The following DNAJC15 variants were observed in gnomAD, a reference collection of about 807,000 sequenced individuals.
The protein encoded by DNAJC15 is dnaJ homolog subfamily C member 15.
Under a neutral mutation model 22.4 loss-of-function variants are expected in DNAJC15, and 27 were observed. The ratio of observed to expected loss-of-function variants is 1.20; its 90% CI spans 0.89 to 1.66. The LOEUF (loss-of-function observed/expected upper bound fraction) is 1.66. Among genes scored for constraint, DNAJC15 ranks in the 40% most tolerant of loss-of-function variants. The pLI is 0.00. For missense variants in DNAJC15, 208 were observed against 187.1 expected (o/e 1.11, Z -0.65); for synonymous variants, 79 against 63.2 (o/e 1.25, Z -1.19).
At chr13:43,033,277 TGTG>T (rs2040412368) in intron 1 of DNAJC15, among the ~76,000 whole-genome samples, 1 of 152,232 alleles carries the variant, frequency 6.6e-6, no homozygotes, top group Admixed American at 6.5e-5. Context: ...ATTAGTCACT[TGTG>T]GTGGCACATG....
At position 43,113,972 on chromosome 13, in the gene DNAJC15, T is replaced by C. The variant is rs1450605454; in HGVS notation, c.*6724T>C. 1 of 152,196 alleles carries C rather than the reference T, an allele frequency of 6.6e-6. No homozygotes were observed. The highest frequency in any genetic ancestry group is 1.5e-5 in the Non-Finnish European group (1 of 68,036). 9.4% of individuals were successfully genotyped at this position (152,196 alleles called of 1,614,324 possible). ...TGGGACTTAGGTAATCAGTTTGCCTTCTACTCTATCTCATTTTGTACTCGC... is the reference window on the plus strand; with the variant it reads ...TGGGACTTAGGTAATCAGTTTGCCTCCTACTCTATCTCATTTTGTACTCGC... On this transcript the variant is annotated 3_prime_UTR_variant, in exon 6 of 6. Coordinates refer to ENST00000379221, the MANE Select transcript of DNAJC15 (RefSeq NM_013238.3).
intron 1 of DNAJC15, among the ~76,000 whole-genome samples, chr13:43,039,327 C>T (rs1465580191): frequency 1.1e-4 from 17 of 152,008 alleles, no homozygotes; most frequent in African/African-American, 3.4e-4. Context: ...ACAAAACATT[C>T]GTGGAAACTA....
chr13:43,026,261 A>C (rs1274010364), intron 1 of DNAJC15, among the ~76,000 whole-genome samples: 3 of 152,222 alleles, frequency 2.0e-5, no homozygotes, highest in African/African-American at 2.4e-5. Flanking sequence ...TTTATATATA[A>C]TGAAGTTCTG....
In DNAJC15 at chr13:43,113,632, G is replaced by A. The variant is rs2040834459; in HGVS notation, c.*6384G>A. The A allele has an allele frequency of 6.6e-6, 1 of 152,226 alleles. No homozygotes were observed. Among genetic ancestry groups the A allele is most frequent in the African/African-American group, 2.4e-5 (1 of 41,442 alleles). 9.4% of individuals were successfully genotyped at this position (152,226 alleles called of 1,614,324 possible). A position where few individuals can be genotyped will look rare whatever the true frequency, so the allele number is the denominator to read the frequency against. On this transcript the variant is annotated 3_prime_UTR_variant, in exon 6 of 6. Transcript: ENST00000379221. ...AACATGGATACACCTATATGCAAGA[G>A]TGTATTCCAAAGCTAACTCAGTGAT...
intron 3 of DNAJC15, among the ~76,000 whole-genome samples, chr13:43,074,718 C>T (rs975803089): frequency 2.0e-5 from 3 of 152,116 alleles, no homozygotes; most frequent in African/African-American, 4.8e-5. Context: ...ACTGTGATAA[C>T]AGTTTTGTTC....
At chr13:43,082,089 A>G (rs765446707) in intron 4 of DNAJC15, among the ~76,000 whole-genome samples, 7 of 151,968 alleles carry the variant, frequency 4.6e-5, no homozygotes, top group Non-Finnish European at 7.4e-5. Context: ...CTCCCATGAC[A>G]TGAGGGGATT....
chr13:43,025,671 G>T (rs1189438770), intron 1 of DNAJC15, among the ~76,000 whole-genome samples: 1 of 152,252 alleles, frequency 6.6e-6, no homozygotes, highest in Admixed American at 6.5e-5. Context: ...TTGGGAGGCT[G>T]AGGTGGGTGG....
chr13:43,069,935 A>G (rs781094688), intron 3 of DNAJC15, among the ~76,000 whole-genome samples: 1 of 152,174 alleles, frequency 6.6e-6, no homozygotes, highest in Non-Finnish European at 1.5e-5. Flanking sequence ...ATATTTCAAA[A>G]CTTACCAGAA....
chr13:43,067,395 G>A (rs1034386941), intron 2 of DNAJC15, among the ~76,000 whole-genome samples: 1 of 152,104 alleles, frequency 6.6e-6, no homozygotes, highest in Non-Finnish European at 1.5e-5. Context: ...TTTATGAGAA[G>A]AATATCATGT....
chr13:43,062,963 T>A (rs1368388271), intron 1 of DNAJC15, among the ~76,000 whole-genome samples: 1 of 151,400 alleles, frequency 6.6e-6, no homozygotes, highest in Non-Finnish European at 1.5e-5. Flanking sequence ...AGGTAATCCA[T>A]CTACCTCGGC....
At chr13:43,026,298 C>T (rs571468627) in intron 1 of DNAJC15, among the ~76,000 whole-genome samples, 18 of 152,222 alleles carry the variant, frequency 1.2e-4, no homozygotes, top group African/African-American at 4.1e-4. Context: ...AACTTTTCAC[C>T]TACTTAATCT....
intron 1 of DNAJC15, among the ~76,000 whole-genome samples, chr13:43,041,833 A>G (rs1225634625): frequency 1.3e-5 from 2 of 152,250 alleles, no homozygotes; most frequent in East Asian, 1.9e-4. Flanking sequence ...AGCCTATGCT[A>G]TATACCGGGA....
chr13:43,051,517 T>C (rs1376492244), intron 1 of DNAJC15, among the ~76,000 whole-genome samples: 1 of 152,158 alleles, frequency 6.6e-6, no homozygotes, highest in Non-Finnish European at 1.5e-5. Flanking sequence ...AATGAGAACA[T>C]ACAATATTTG....
chr13:43,063,317 A>G (rs1465783367), intron 1 of DNAJC15, among the ~76,000 whole-genome samples: 2 of 152,190 alleles, frequency 1.3e-5, no homozygotes, highest in Non-Finnish European at 2.9e-5. Context: ...GCTTTTATTG[A>G]TAGTATTAAA....
rs57236051 is a variant in DNAJC15 at position 43,092,512 on chromosome 13, G to GTA, written c.382+6687_382+6688dup. On this transcript the variant is annotated intron_variant, in intron 5 of 5. Coordinates refer to ENST00000379221, the MANE Select transcript of DNAJC15 (RefSeq NM_013238.3). ...CATATACACACACACATGTGTGTGT[G>GTA]TATATATATATATAAATGTTACTTT... 6.5e-3 allele frequency among the ~76,000 whole-genome samples: 975 copies of GTA among 149,856 alleles called. 11 individuals are homozygous for GTA. Among genetic ancestry groups the GTA allele is most frequent in the East Asian group, 0.019 (95 of 5,116 alleles).
At chr13:43,069,544 GA>G (rs2040599256) in intron 3 of DNAJC15, among the ~76,000 whole-genome samples, 1 of 152,162 alleles carries the variant, frequency 6.6e-6, no homozygotes, top group Non-Finnish European at 1.5e-5. Flanking sequence ...CTACTCTGGG[GA>G]GCTGAATGTA....
chr13:43,107,233 A>G lies in DNAJC15; in HGVS notation c.438A>G (p.Thr146=). 3 of 1,593,280 alleles carry G rather than the reference A, an allele frequency of 1.9e-6. No individual in the cohort carries two copies. Among genetic ancestry groups the G allele is most frequent in the Non-Finnish European group, 2.6e-6 (3 of 1,171,296 alleles). The change falls in exon 6 of 6, where the codon ACA becomes ACG. Residue 146 remains threonine (T), a synonymous_variant. Transcript: ENST00000379221. Reference sequence around the variant, plus strand: ...ATGAAGCAAAAGACTTGCTAGAAACAACCACCAAACATTGATGCTTAAGGA... The same window carrying G: ...ATGAAGCAAAAGACTTGCTAGAAACGACCACCAAACATTGATGCTTAAGGA... ...KINEAKDLLE[T]TTKH is the part of the protein sequence containing the mutation.
intron 3 of DNAJC15, among the ~76,000 whole-genome samples, chr13:43,070,661 A>G (rs1176894079): frequency 6.6e-6 from 1 of 152,168 alleles, no homozygotes; most frequent in African/African-American, 2.4e-5. Context: ...ATCACTGCAA[A>G]GGTCCTGAGG....
chr13:43,079,039 G>C (rs1291290807), intron 4 of DNAJC15, among the ~76,000 whole-genome samples: 1 of 152,042 alleles, frequency 6.6e-6, no homozygotes, highest in Non-Finnish European at 1.5e-5. Flanking sequence ...TTATAATCCA[G>C]GATATGTTTC....
Sources: gnomAD v4.1 joint callset for allele counts (sites outside exome capture counted in the v4.1 genomes callset) on GRCh38, gnomAD v4.1.1 for gene constraint, MANE v1.5 for transcripts, NCBI Gene and HGNC (gene_info 2026-07-23, HGNC 2026-07-21) for gene names.